The following NUP98 variants were observed in gnomAD, a reference collection of about 807,000 sequenced individuals.
NUP98 encodes the protein nuclear pore complex protein Nup98-Nup96.
In NUP98, 26 loss-of-function variants were observed where a neutral mutation model predicts 191.9. That is an observed-to-expected ratio of 0.14 (90% CI 0.10 to 0.19). The LOEUF (loss-of-function observed/expected upper bound fraction) is 0.19, where lower values mean the gene tolerates loss of function less well. Among genes scored for constraint, NUP98 ranks in the 10% least tolerant of loss-of-function variants. NUP98 has a pLI of 1.00. For synonymous variants in NUP98, 808 were observed against 778.4 expected (o/e 1.04, Z -0.63); for missense variants, 1,941 against 2,178.8 (o/e 0.89, Z 2.17).
intron 1 of NUP98, among the ~76,000 whole-genome samples, chr11:3,788,545 T>C (rs1259024829): frequency 1.3e-5 from 2 of 150,924 alleles, no homozygotes; most frequent in African/African-American, 4.9e-5. Flanking sequence ...GAGCCCAGAT[T>C]GCGCCACTGC....
chr11:3,771,240 C>A (rs954593224), intron 7 of NUP98, among the ~76,000 whole-genome samples: 1 of 152,202 alleles, frequency 6.6e-6, no homozygotes, highest in Non-Finnish European at 1.5e-5. Flanking sequence ...TCTACTCTTA[C>A]AATCTACTGT....
intron 20 of NUP98, among the ~76,000 whole-genome samples, chr11:3,708,822 A>G (rs1018707698): frequency 2.0e-5 from 3 of 152,170 alleles, no homozygotes; most frequent in Non-Finnish European, 4.4e-5. Flanking sequence ...TATAGGAAGA[A>G]GCAGCCAACG....
intron 20 of NUP98, among the ~76,000 whole-genome samples, chr11:3,710,395 ACTTG>A (rs1370758296): frequency 6.6e-6 from 1 of 152,214 alleles, no homozygotes; most frequent in African/African-American, 2.4e-5. Flanking sequence ...GCTTAGATTT[ACTTG>A]CTTTTTTTAA....
At chr11:3,781,781 A>G (rs1391996579) in intron 2 of NUP98, among the ~76,000 whole-genome samples, 1 of 152,132 alleles carries the variant, frequency 6.6e-6, no homozygotes, top group Non-Finnish European at 1.5e-5. Context: ...GTAACAAATT[A>G]TAACTTTCTG....
chr11:3,735,286 C>T lies in NUP98; in HGVS notation c.1447G>A (p.Val483Ile). The change falls in exon 13 of 33, where the codon GTT becomes ATT. Residue 483 changes from valine to isoleucine, a missense_variant. Physicochemically the swap from Val to Ile is conservative, Grantham distance 29. Coordinates refer to ENST00000324932, the MANE Select transcript of NUP98 (RefSeq NM_016320.5). ...DPNASAAQQA[V>I]LQQHINSLTY... ...AGACTATTGATGTGCTGCTGGAGAA[C>T]AGCCTGCTGGGCAGCAGAAGCATTT... is the stretch of plus-strand genomic sequence containing the variant. The T allele has an allele frequency of 6.3e-7, 1 of 1,575,910 alleles. No individual in the cohort carries two copies. Among genetic ancestry groups the T allele is most frequent in the Non-Finnish European group, 8.6e-7 (1 of 1,159,052 alleles).
chr11:3,698,183 T>A (rs2078570630), intron 25 of NUP98, among the ~76,000 whole-genome samples: 1 of 152,170 alleles, frequency 6.6e-6, no homozygotes, highest in African/African-American at 2.4e-5. Context: ...CAGAATATAA[T>A]ACACAGCAGG....
intron 11 of NUP98, 25 bp downstream of exon 11, chr11:3,753,291 A>G (rs781418641): frequency 1.3e-6 from 2 of 1,561,240 alleles, no homozygotes; most frequent in South Asian, 2.2e-5. Flanking sequence ...GTCACTTCCT[A>G]GATCTCATGG....
chr11:3,696,438 G>A (rs2078508173), intron 25 of NUP98, among the ~76,000 whole-genome samples: 1 of 151,946 alleles, frequency 6.6e-6, no homozygotes, highest in Non-Finnish European at 1.5e-5. Context: ...GAAGGCAGAA[G>A]TTGCAGTAAA....
chr11:3,685,430 T>C (rs1322782702), intron 29 of NUP98, among the ~76,000 whole-genome samples: 1 of 152,232 alleles, frequency 6.6e-6, no homozygotes, highest in Non-Finnish European at 1.5e-5. Context: ...ATTACTTCCC[T>C]GCCGTGGAGT....
At position 3,768,585 on chromosome 11, in the gene NUP98, G is replaced by C; in HGVS notation, c.944C>G (p.Thr315Ser). ...TSTIGQPSTN[T>S]MGLFGVTQAS... The stretch of plus-strand genomic sequence containing the variant: ...AGTAAGGGTCTGTTTCCTTACCATG[G>C]TGTTGGTGCTTGGCTGTCCTATGGT... Residue 315 changes from threonine to serine, a missense_variant, in exon 8 of 33, where the codon ACC (threonine) becomes AGC (serine). This residue lies in a region of NUP98 where 181 missense variants were observed against 228.0 expected (regional missense o/e 0.79). Coordinates refer to ENST00000324932, the MANE Select transcript of NUP98 (RefSeq NM_016320.5). 1 of 1,579,748 alleles carries C rather than the reference G, an allele frequency of 6.3e-7. No individual in the cohort carries two copies. The highest frequency in any genetic ancestry group is 8.6e-7 in the Non-Finnish European group (1 of 1,163,666).
At chr11:3,760,353 T>C (rs2081124002) in intron 10 of NUP98, 186 bp downstream of exon 10, 1 of 766,360 alleles carries the variant, frequency 1.3e-6, no homozygotes, top group South Asian at 1.8e-5. Context: ...CTTTAAACCT[T>C]TCCCTCTGGT....
intron 2 of NUP98, among the ~76,000 whole-genome samples, chr11:3,781,671 A>C (rs778139150): frequency 1.3e-5 from 2 of 152,086 alleles, no homozygotes; most frequent in Non-Finnish European, 2.9e-5. Context: ...CTGTGACATG[A>C]ATGTCACATC....
intron 18 of NUP98, among the ~76,000 whole-genome samples, chr11:3,716,940 G>A (rs1463118938): frequency 1.3e-5 from 2 of 152,096 alleles, no homozygotes; most frequent in African/African-American, 4.8e-5. Context: ...TCATGCCGCT[G>A]GGATTTTGAT....
At chr11:3,738,983 C>T (rs1239287661) in intron 12 of NUP98, among the ~76,000 whole-genome samples, 1 of 152,058 alleles carries the variant, frequency 6.6e-6, no homozygotes, top group African/African-American at 2.4e-5. Context: ...AGACAAGGCA[C>T]ACTCACATAG....
Position 3,712,560 on chromosome 11 carries a change from C to T in NUP98, c.2742+4G>A. 2 of 1,610,662 alleles carry T rather than the reference C, an allele frequency of 1.2e-6. No homozygotes were observed. Among genetic ancestry groups the T allele is most frequent in the Admixed American group, 1.7e-5 (1 of 58,696 alleles). On this transcript the variant is annotated splice_donor_region_variant and intron_variant, in intron 20 of 32. Coordinates refer to ENST00000324932, the MANE Select transcript of NUP98 (RefSeq NM_016320.5). ...ATTCAAATTCACTGTCCTTTTTTCT[C>T]TACCTGAGGTGGAGGTGCAGGTTTG...
Position 3,779,201 on chromosome 11 carries a change from T to C in NUP98, c.133A>G (p.Ser45Gly), listed in dbSNP as rs2081863435. The part of the protein sequence containing the change: ...GAFGTSAFGS[S>G]NNTGGLFGNS... ...CCAAAGAGGCCTCCAGTATTGTTGC[T>C]AGAACCAAATGCAGATGTTCCAAAT... is the stretch of plus-strand genomic sequence containing the variant. The change falls in exon 3 of 33, where the codon AGC becomes GGC. Residue 45 changes from serine to glycine, a missense_variant. Physicochemically the swap from Ser to Gly is moderately conservative, Grantham distance 56. This residue lies in a region of NUP98 where 154 missense variants were observed against 182.9 expected (regional missense o/e 0.84). Coordinates refer to ENST00000324932, the MANE Select transcript of NUP98 (RefSeq NM_016320.5). 3.1e-6 allele frequency: 5 copies of C among 1,614,214 alleles called. No individual in the cohort carries two copies. The highest frequency in any genetic ancestry group is 4.2e-6 in the Non-Finnish European group (5 of 1,180,034).
chr11:3,730,613 C>G (rs1045392172), intron 14 of NUP98, among the ~76,000 whole-genome samples: 1 of 152,182 alleles, frequency 6.6e-6, no homozygotes, highest in Non-Finnish European at 1.5e-5. Flanking sequence ...ATCCACCCAC[C>G]TCGGCCAGCC....
intron 29 of NUP98, among the ~76,000 whole-genome samples, chr11:3,684,269 G>A (rs1049703044): frequency 6.6e-6 from 1 of 151,098 alleles, no homozygotes; most frequent in Non-Finnish European, 1.5e-5. Context: ...ATAAAATAAA[G>A]TATTTTCATG....
intron 25 of NUP98, among the ~76,000 whole-genome samples, chr11:3,696,462 A>T (rs971332363): frequency 4.6e-5 from 7 of 151,942 alleles, no homozygotes; most frequent in African/African-American, 1.5e-4. Context: ...AGATTGCACT[A>T]CTGCACTCCA....
Sources: allele counts gnomAD v4.1 joint callset (sites outside exome capture counted in the v4.1 genomes callset), GRCh38; gene constraint gnomAD v4.1.1; regional missense constraint gnomAD v4.1.1; transcripts MANE v1.5; gene names NCBI Gene and HGNC (gene_info 2026-07-23, HGNC 2026-07-21).